CYBA: variants seen among roughly 807,000 people sequenced by gnomAD.
CYBA encodes the protein cytochrome b-245 alpha chain.
A neutral mutation model predicts 20.8 loss-of-function variants in CYBA; 21 were observed. That is an observed-to-expected ratio of 1.01 (90% CI 0.72 to 1.46). The LOEUF (loss-of-function observed/expected upper bound fraction) is 1.46. Ranked by LOEUF, CYBA falls within the 40% of genes most tolerant of loss-of-function variation. CYBA has a pLI of 0.00. For synonymous variants in CYBA, 164 were observed against 127.5 expected (o/e 1.29, Z -1.93); for missense variants, 344 against 287.0 (o/e 1.20, Z -1.43).
intron 1 of CYBA, chr16:88,650,414 A>G (rs1219629133): frequency 2.2e-6 from 1 of 457,344 alleles, no homozygotes; most frequent in South Asian, 1.5e-5. Context: ...TGGGCTGGGC[A>G]GGGCCGTCAC....
At chr16:88,646,618 G>T in intron 4 of CYBA, 137 bp downstream of exon 4, 1 of 794,042 alleles carries the variant, frequency 1.3e-6, no homozygotes, top group South Asian at 1.4e-5. Context: ...CAGAGCCAGG[G>T]ACCCGAATTT....
At chr16:88,649,176 A>C (rs1031877768) in intron 1 of CYBA, among the ~76,000 whole-genome samples, 1 of 152,012 alleles carries the variant, frequency 6.6e-6, no homozygotes, top group South Asian at 2.1e-4. Context: ...TGACCTCGTG[A>C]TCCGCCCGCC....
chr16:88,650,626 AC>A, intron 1 of CYBA: 1 of 534,468 alleles, frequency 1.9e-6, no homozygotes, highest in East Asian at 3.9e-5. Flanking sequence ...CGGGGCGGTG[AC>A]CCCGGAAACC....
chr16:88,645,154 C>A, intron 5 of CYBA: 1 of 701,634 alleles, frequency 1.4e-6, no homozygotes, highest in South Asian at 1.5e-5. Flanking sequence ...CTCCCGAGGT[C>A]TCCAGGAGCC....
At chr16:88,650,460 C>T (rs1365584226) in intron 1 of CYBA, 2 of 460,434 alleles carry the variant, frequency 4.3e-6, no homozygotes, top group Non-Finnish European at 8.7e-6. Context: ...TCTCAGACCG[C>T]CTCCAGCGCA....
At position 88,643,847 on chromosome 16, in the gene CYBA, G is replaced by T. The variant is rs1907181087; in HGVS notation, c.370-276C>A. Among the ~76,000 whole-genome samples the T allele has an allele frequency of 6.6e-6, 1 of 152,254 alleles. No individual in the cohort carries two copies. Among genetic ancestry groups the T allele is most frequent in the Non-Finnish European group, 1.5e-5 (1 of 68,042 alleles). On this transcript the variant is annotated intron_variant, in intron 5 of 5. Coordinates refer to ENST00000261623, the MANE Select transcript of CYBA (RefSeq NM_000101.4). The surrounding 1 kb of genome is among the most constrained non-coding windows in gnomAD (Gnocchi z 4.3). ...GAAGATCCCGTGGTGGACACTCCCA[G>T]ATGCAAATTCTAGTACTCAAATTCT...
At chr16:88,648,144 G>A (rs1907356656) in intron 1 of CYBA, 30 bp from the exon 2 acceptor site, 1 of 1,599,388 alleles carries the variant, frequency 6.3e-7, no homozygotes, top group Non-Finnish European at 8.5e-7. Flanking sequence ...AGGCACTGTG[G>A]GGCTCCCGTC....
At chr16:88,646,890 A>G (rs776719551) in intron 3 of CYBA, 52 bp from the exon 4 acceptor site, 2 of 1,490,008 alleles carry the variant, frequency 1.3e-6, no homozygotes. Flanking sequence ...CCCACTCGGG[A>G]CTCCTTTGCT....
At position 88,643,408 on chromosome 16, in the gene CYBA, C is replaced by A. The variant is rs914005525; in HGVS notation, c.533G>T (p.Gly178Val). The change falls in exon 6 of 6, where the codon GGA becomes GTA. Residue 178 changes from glycine to valine, a missense_variant. Coordinates refer to ENST00000261623, the MANE Select transcript of CYBA (RefSeq NM_000101.4). This position sits in a 1 kb window ranked among gnomAD's most constrained non-coding sequence, Gnocchi z 4.3. ...SEEEAAVAAG[G>V]PPGGPQVNPI... ...GTTGACCTGGGGACCTCCCGGGGGT[C>A]CCCCCGCCGCCACCGCAGCCTCCTC... 8.5e-6 allele frequency: 13 copies of A among 1,532,348 alleles called. No homozygotes were observed. The highest frequency in any genetic ancestry group is 1.2e-5 in the South Asian group (1 of 83,080). 94.9% of individuals were successfully genotyped at this position (1,532,348 alleles called of 1,614,324 possible). A position where few individuals can be genotyped will look rare whatever the true frequency, so the allele number is the denominator to read the frequency against.
In CYBA at chr16:88,643,360, A is replaced by G. The variant is rs1412831511; in HGVS notation, c.581T>C (p.Val194Ala). The G allele has an allele frequency of 1.3e-6, 2 of 1,522,994 alleles. No individual in the cohort carries two copies. The highest frequency in any genetic ancestry group is 2.6e-5 in the East Asian group (1 of 39,006). 94.3% of individuals were successfully genotyped at this position (1,522,994 alleles called of 1,614,324 possible). The change falls in exon 6 of 6, where the codon GTC becomes GCC. Residue 194 changes from valine to alanine, a missense_variant. Val to Ala is a moderately conservative substitution (Grantham distance 64). Coordinates refer to ENST00000261623, the MANE Select transcript of CYBA (RefSeq NM_000101.4). This position sits in a 1 kb window ranked among gnomAD's most constrained non-coding sequence, Gnocchi z 4.3. ...QVNPIPVTDE[V>A]V The stretch of plus-strand genomic sequence containing the variant: ...GGCAGGTCCGGGGCGAGGTCACACG[A>G]CCTCGTCGGTCACCGGGATGGGGTT...
chr16:88,651,042 T>C lies in CYBA; in HGVS notation c.-29A>G, dbSNP rs558967319. On this transcript the variant is annotated 5_prime_UTR_variant, in exon 1 of 6. Transcript: ENST00000261623. The stretch of plus-strand genomic sequence containing the variant: ...GACACGAACCCGGCTGGGACACTGC[T>C]AGGCGCGCACTGCCGCCCCTGCGCT... 9.5e-6 allele frequency: 15 copies of C among 1,576,634 alleles called. No homozygotes were observed. The East Asian group carries it at 2.6e-4, about 27-fold the overall frequency.
rs992691010 is a variant in CYBA, at chr16:88,643,470, C to T, written c.471G>A (p.Pro157=). Residue 157 remains proline (P), a synonymous_variant, in exon 6 of 6, where the codon CCG becomes CCA. Coordinates refer to ENST00000261623, the MANE Select transcript of CYBA (RefSeq NM_000101.4). The surrounding 1 kb of genome is among the most constrained non-coding windows in gnomAD (Gnocchi z 4.3). ...TCTTGCGGGCCTCGGCCGGGGGCCG[C>T]GGCGGGGGGTTGCTGGGCGGCTGCT... The part of the protein sequence containing the change: ...TIKQPPSNPP[P]RPPAEARKKP... 17 of 1,532,428 alleles carry T rather than the reference C, an allele frequency of 1.1e-5. No homozygotes were observed. Among genetic ancestry groups the T allele is most frequent in the African/African-American group, 8.3e-5 (6 of 72,298 alleles). 94.9% of individuals were successfully genotyped at this position (1,532,428 alleles called of 1,614,324 possible).
At chr16:88,650,287 C>T (rs1303879802) in intron 1 of CYBA, 4 of 435,718 alleles carry the variant, frequency 9.2e-6, no homozygotes, top group South Asian at 1.6e-5. Flanking sequence ...GCCCTGGTCC[C>T]GAGAGGGTCC....
At chr16:88,649,145 G>T (rs1001725744) in intron 1 of CYBA, among the ~76,000 whole-genome samples, 2 of 151,600 alleles carry the variant, frequency 1.3e-5, no homozygotes, top group African/African-American at 2.4e-5. Flanking sequence ...CACTGTGTTA[G>T]CCAGGATGGT....
chr16:88,646,674 G>GAAAAA (rs1907294579), intron 4 of CYBA, 81 bp downstream of exon 4: 1 of 1,313,950 alleles, frequency 7.6e-7, no homozygotes, highest in Non-Finnish European at 1.1e-6. Flanking sequence ...TCCTGTCCAG[G>GAAAAA]CAGCCCGGCC....
chr16:88,650,572 G>T, intron 1 of CYBA: 1 of 503,236 alleles, frequency 2.0e-6, no homozygotes, highest in South Asian at 1.5e-5. Context: ...AGGGGCAGGG[G>T]AGCTTCTCCC....
intron 2 of CYBA, chr16:88,647,545 C>T (rs1907335181): frequency 1.1e-5 from 4 of 365,434 alleles, no homozygotes; most frequent in African/African-American, 4.2e-5. Flanking sequence ...CAAAAAAGGT[C>T]GGGGGCAGCC....
intron 1 of CYBA, chr16:88,650,242 C>A: frequency 2.5e-6 from 1 of 393,164 alleles, no homozygotes; most frequent in Non-Finnish European, 5.3e-6. Context: ...CTCGCCTGAG[C>A]CCAGCCTCAC....
chr16:88,649,392 T>G lies in CYBA; in HGVS notation c.59-1278A>C, dbSNP rs531067905. ...ACTCAGCCAATTGTCCATGCATCTT[T>G]GGGGACCGTCCTGGTCCCGAGCCTG... On this transcript the variant is annotated intron_variant, in intron 1 of 5. Coordinates refer to ENST00000261623, the MANE Select transcript of CYBA (RefSeq NM_000101.4). Among the ~76,000 whole-genome samples, 787 of 152,290 alleles carry G rather than the reference T, an allele frequency of 5.2e-3. 5 individuals are homozygous for G. Among genetic ancestry groups the G allele is most frequent in the African/African-American group, 0.018 (754 of 41,568 alleles).
Sources: gnomAD v4.1 joint callset for allele counts (sites outside exome capture counted in the v4.1 genomes callset) on GRCh38, gnomAD v4.1.1 for gene constraint, Gnocchi (gnomAD v3.1) non-coding constraint, MANE v1.5 for transcripts, NCBI Gene and HGNC (gene_info 2026-07-23, HGNC 2026-07-21) for gene names.